Variants in PACRG observed in about 807,000 individuals in gnomAD.
The protein encoded by PACRG is parkin coregulated gene protein.
PACRG carries 29 observed loss-of-function variants against 29.7 expected under a neutral mutation model. That is an observed-to-expected ratio of 0.98 (90% CI 0.73 to 1.33). PACRG has a LOEUF of 1.33. Among genes scored for constraint, PACRG ranks in the 40% most tolerant of loss-of-function variants. The pLI is 0.00. For missense variants in PACRG, 279 were observed against 316.2 expected, an observed-to-expected ratio of 0.88 and a Z score of 0.89; for synonymous variants, 116 against 118.7, an observed-to-expected ratio of 0.98 and a Z score of 0.15.
chr6:163,170,104 G>C (rs1415523526), intron 4 of PACRG, among the ~76,000 whole-genome samples: 1 of 152,146 alleles, frequency 6.6e-6, no homozygotes, highest in Non-Finnish European at 1.5e-5. Flanking sequence ...TGGAAGTCAG[G>C]GCTTCAACAT....
chr6:163,045,623 T>A (rs1266539208), intron 2 of PACRG, among the ~76,000 whole-genome samples: 2 of 36,012 alleles, frequency 5.6e-5, no homozygotes, highest in East Asian at 0.016. Context: ...GCGCCCAGCT[T>A]TTTTTTTTTT....
intron 4 of PACRG, chr6:163,182,734 T>G (rs1170258085): frequency 1.3e-5 from 2 of 152,256 alleles, no homozygotes; most frequent in African/African-American, 4.8e-5. Context: ...AATCTTAAGT[T>G]GCAATTTCAC....
At chr6:163,289,922 A>T (rs1327367804) in intron 4 of PACRG, among the ~76,000 whole-genome samples, 1 of 151,718 alleles carries the variant, frequency 6.6e-6, no homozygotes, top group Admixed American at 6.6e-5. Context: ...ATCTCGGCTC[A>T]CCGCAACCTC....
chr6:163,083,190 G>C (rs562264076), intron 3 of PACRG, among the ~76,000 whole-genome samples: 1 of 152,286 alleles, frequency 6.6e-6, no homozygotes, highest in South Asian at 2.1e-4. Flanking sequence ...CTCAGGAAAA[G>C]TCAAGCTGGA....
At chr6:163,210,717 T>C (rs1230396279) in intron 4 of PACRG, among the ~76,000 whole-genome samples, 1 of 152,254 alleles carries the variant, frequency 6.6e-6, no homozygotes, top group Non-Finnish European at 1.5e-5. Flanking sequence ...CTGTTCTTTG[T>C]TGCACCCAGT....
At chr6:163,147,332 G>A (rs1777842845) in intron 4 of PACRG, among the ~76,000 whole-genome samples, 1 of 152,094 alleles carries the variant, frequency 6.6e-6, no homozygotes, top group Admixed American at 6.5e-5. Context: ...ATTCTTATAG[G>A]ATGATAGTAA....
chr6:163,187,375 G>A (rs1451398528), intron 4 of PACRG, among the ~76,000 whole-genome samples: 1 of 152,032 alleles, frequency 6.6e-6, no homozygotes, highest in African/African-American at 2.4e-5. Flanking sequence ...AAAGGCTTCT[G>A]TGCTCGCCGC....
chr6:163,199,167 A>G (rs767973460), intron 4 of PACRG, among the ~76,000 whole-genome samples: 2 of 152,122 alleles, frequency 1.3e-5, no homozygotes, highest in Non-Finnish European at 2.9e-5. Context: ...CTTTCACATG[A>G]TCATGTACGG....
chr6:162,969,068 T>G (rs1045577664), intron 2 of PACRG, among the ~76,000 whole-genome samples: 3 of 62,252 alleles, frequency 4.8e-5, no homozygotes, highest in African/African-American at 1.3e-4. Context: ...AAAAAAAAAG[T>G]AACAGACTGG....
chr6:162,807,504 G>A (rs947399087), intron 1 of PACRG, among the ~76,000 whole-genome samples: 1 of 152,176 alleles, frequency 6.6e-6, no homozygotes, highest in East Asian at 1.9e-4. Flanking sequence ...GTTCTGTCTC[G>A]GGAAATAGGG....
At chr6:163,270,680 A>AT (rs1242720253) in intron 4 of PACRG, among the ~76,000 whole-genome samples, 1 of 152,108 alleles carries the variant, frequency 6.6e-6, no homozygotes, top group Non-Finnish European at 1.5e-5. Context: ...GCCTGAAACC[A>AT]TTTTTTTAAA....
intron 4 of PACRG, among the ~76,000 whole-genome samples, chr6:163,248,091 A>G (rs1412162863): frequency 6.6e-6 from 1 of 152,196 alleles, no homozygotes; most frequent in Non-Finnish European, 1.5e-5. Context: ...GCCCCACTGA[A>G]TGGCAACAAG....
At chr6:163,134,402 C>T (rs1816849371) in intron 4 of PACRG, among the ~76,000 whole-genome samples, 1 of 152,166 alleles carries the variant, frequency 6.6e-6, no homozygotes, top group Non-Finnish European at 1.5e-5. Context: ...AAAATTCTGT[C>T]TCCAATGGGC....
At chr6:163,036,857 TATCC>T (rs71008132) in intron 2 of PACRG, among the ~76,000 whole-genome samples, 11,204 of 148,746 alleles carry the variant, frequency 0.075, 553 homozygotes, top group Middle Eastern at 0.11. Flanking sequence ...TCCATCCAGC[TATCC>T]ATCCATCCAT....
intron 2 of PACRG, among the ~76,000 whole-genome samples, chr6:163,020,079 A>T (rs1275514182): frequency 6.6e-6 from 1 of 152,210 alleles, no homozygotes; most frequent in Non-Finnish European, 1.5e-5. Context: ...CTCACAGACA[A>T]GTTGCCCTTC....
At chr6:163,112,895 G>A (rs1815788371) in intron 4 of PACRG, among the ~76,000 whole-genome samples, 2 of 152,114 alleles carry the variant, frequency 1.3e-5, no homozygotes, top group Non-Finnish European at 2.9e-5. Flanking sequence ...ATAAATCAAT[G>A]GAAACTGTCC....
At chr6:162,787,221 T>C (rs1006890219) in intron 1 of PACRG, among the ~76,000 whole-genome samples, 6 of 152,132 alleles carry the variant, frequency 3.9e-5, no homozygotes, top group African/African-American at 1.2e-4. Context: ...TCTGTACTTA[T>C]AGTTTTATTA....
chr6:162,844,388 C>G, intron 2 of PACRG, among the ~76,000 whole-genome samples: 1 of 152,240 alleles, frequency 6.6e-6, no homozygotes, highest in East Asian at 1.9e-4. Flanking sequence ...CCCTCTCTGA[C>G]TCCGAAGGGG....
chr6:163,284,141 A>G (rs1784312173), intron 4 of PACRG, among the ~76,000 whole-genome samples: 1 of 152,252 alleles, frequency 6.6e-6, no homozygotes, highest in Non-Finnish European at 1.5e-5. Flanking sequence ...AGGGTTTAAT[A>G]AACAGATTTA....
Sources: gnomAD v4.1 joint callset for allele counts (sites outside exome capture counted in the v4.1 genomes callset) on GRCh38, gnomAD v4.1.1 for gene constraint, MANE v1.5 for transcripts, NCBI Gene and HGNC (gene_info 2026-07-23, HGNC 2026-07-21) for gene names.